Variants in STIM1 observed in about 807,000 individuals in gnomAD.
The protein encoded by STIM1 is stromal interaction molecule 1.
Under a neutral mutation model 74.7 loss-of-function variants are expected in STIM1, and 25 were observed. That is an observed-to-expected ratio of 0.33 (90% CI 0.24 to 0.47). The LOEUF (loss-of-function observed/expected upper bound fraction) is 0.47. Ranked by LOEUF, STIM1 falls within the 20% of genes least tolerant of loss-of-function variation. STIM1 has a pLI of 1.00. For missense variants in STIM1, 728 were observed against 920.8 expected, an observed-to-expected ratio of 0.79 and a Z score of 2.71; for synonymous variants, 328 against 348.8, an observed-to-expected ratio of 0.94 and a Z score of 0.66.
intron 5 of STIM1, among the ~76,000 whole-genome samples, chr11:4,065,272 A>G (rs959459502): frequency 1.3e-5 from 2 of 152,080 alleles, no homozygotes; most frequent in African/African-American, 2.4e-5. Flanking sequence ...AAATAGGGGA[A>G]AGTCCCCAGT....
chr11:3,921,521 T>C (rs2092717645), intron 1 of STIM1, among the ~76,000 whole-genome samples: 1 of 152,214 alleles, frequency 6.6e-6, no homozygotes, highest in Non-Finnish European at 1.5e-5. Flanking sequence ...CAGACAGCAT[T>C]AGCACACTGG....
intron 2 of STIM1, chr11:3,974,200 GCTGTTGGGACTACTTAAGAGACTCTGT>G: frequency 2.0e-6 from 1 of 512,258 alleles, no homozygotes; most frequent in South Asian, 2.8e-5. Flanking sequence ...AACTTCTACA[GCTGTTGGGACTACTTAAGAGACTCTGT>G]CTTAGACATG....
chr11:3,981,955 G>A (rs1219753669), intron 2 of STIM1, among the ~76,000 whole-genome samples: 1 of 152,102 alleles, frequency 6.6e-6, no homozygotes, highest in African/African-American at 2.4e-5. Context: ...CCAATTATTA[G>A]TTGTTTGACT....
intron 1 of STIM1, among the ~76,000 whole-genome samples, chr11:3,867,769 G>T (rs1013617362): frequency 1.3e-5 from 2 of 152,178 alleles, no homozygotes; most frequent in Admixed American, 6.5e-5. Context: ...CCCTTTCCTC[G>T]GTTGGCCATA....
At chr11:3,861,467 T>G (rs1006045111) in intron 1 of STIM1, among the ~76,000 whole-genome samples, 1 of 152,084 alleles carries the variant, frequency 6.6e-6, no homozygotes, top group Non-Finnish European at 1.5e-5. Flanking sequence ...ATCTCCTGAC[T>G]TCGTGATCTG....
chr11:3,940,152 A>G (rs1045335564), intron 1 of STIM1, among the ~76,000 whole-genome samples: 3 of 152,210 alleles, frequency 2.0e-5, no homozygotes, highest in East Asian at 3.8e-4. Flanking sequence ...AGCTTTACCC[A>G]GAACACAACA....
At chr11:3,889,708 G>T (rs1218310206) in intron 1 of STIM1, among the ~76,000 whole-genome samples, 9 of 151,980 alleles carry the variant, frequency 5.9e-5, no homozygotes, top group Non-Finnish European at 2.9e-5. Flanking sequence ...TTTTTTGAGG[G>T]TCTGGCCTCT....
chr11:3,975,443 C>T (rs2093437859), intron 2 of STIM1, among the ~76,000 whole-genome samples: 1 of 152,090 alleles, frequency 6.6e-6, no homozygotes, highest in Admixed American at 6.6e-5. Flanking sequence ...ATGGCAAAAC[C>T]CTCTCTGTAC....
chr11:4,084,601 T>C (rs994344282), intron 10 of STIM1, 72 bp from the exon 11 acceptor site: 16 of 1,212,074 alleles, frequency 1.3e-5, no homozygotes, highest in African/African-American at 1.6e-5. Flanking sequence ...CTTCCTTTAT[T>C]ACATTGATGG....
At chr11:4,011,075 T>C (rs372493576) in intron 2 of STIM1, among the ~76,000 whole-genome samples, 3 of 152,148 alleles carry the variant, frequency 2.0e-5, no homozygotes, top group East Asian at 3.8e-4. Context: ...TGCATAGTAG[T>C]CCATGGTGTA....
Position 3,934,498 on chromosome 11 carries a change from G to T in STIM1, c.140-33054G>T, listed in dbSNP as rs2092909813. Reference sequence around the variant, plus strand: ...CCTTTTATATAGTCTTATTCACTTAGCTGTCTGCTTCACTCTCCACATCTT... The same window carrying T: ...CCTTTTATATAGTCTTATTCACTTATCTGTCTGCTTCACTCTCCACATCTT... On this transcript the variant is annotated intron_variant, in intron 1 of 12. Transcript: ENST00000526596. Among the ~76,000 whole-genome samples, 3 of 152,144 alleles carry T rather than the reference G, an allele frequency of 2.0e-5. No homozygotes were observed. The South Asian group carries it at 6.2e-4, about 32-fold the overall frequency.
intron 2 of STIM1, among the ~76,000 whole-genome samples, chr11:4,021,434 A>G (rs770745077): frequency 6.6e-6 from 1 of 152,136 alleles, no homozygotes; most frequent in Non-Finnish European, 1.5e-5. Flanking sequence ...CCCCCAGTAC[A>G]GTTTATTGAA....
At chr11:4,013,641 CTCT>C (rs1345790468) in intron 2 of STIM1, among the ~76,000 whole-genome samples, 1 of 141,490 alleles carries the variant, frequency 7.1e-6, no homozygotes, top group East Asian at 2.1e-4. Context: ...TGATTCTTCT[CTCT>C]TCTTTGTTGA....
intron 1 of STIM1, among the ~76,000 whole-genome samples, chr11:3,955,034 T>C (rs1365740684): frequency 6.6e-6 from 1 of 152,254 alleles, no homozygotes; most frequent in East Asian, 1.9e-4. Context: ...AATGGAATAC[T>C]ACTCAGCAGC....
intron 1 of STIM1, among the ~76,000 whole-genome samples, chr11:3,922,244 G>C (rs1276621709): frequency 5.9e-5 from 9 of 151,774 alleles, no homozygotes; most frequent in African/African-American, 9.7e-5. Context: ...TCACATTGTG[G>C]TTTAATTTGT....
chr11:3,999,336 C>T (rs1472933746), intron 2 of STIM1, among the ~76,000 whole-genome samples: 1 of 152,174 alleles, frequency 6.6e-6, no homozygotes, highest in Admixed American at 6.5e-5. Flanking sequence ...AGTCTCAAAA[C>T]CAACAAACAG....
Position 4,091,902 on chromosome 11 carries a change from G to A in STIM1, c.*104G>A. 1 of 1,492,960 alleles carries A rather than the reference G, an allele frequency of 6.7e-7. No homozygotes were observed. The highest frequency in any genetic ancestry group is 1.9e-5 in the Admixed American group (1 of 53,912). The allele number at this position is 1,492,960 out of a possible 1,614,324, so 92.5% of individuals were successfully genotyped here. On this transcript the variant is annotated 3_prime_UTR_variant, in exon 13 of 13. Coordinates refer to ENST00000526596, the MANE Select transcript of STIM1 (RefSeq NM_001382567.1). ...TAACTGGCCCCAAGAGTGGGGCATGGGAAGGGCTGGTCCAGGGGTCTGGGC... is the reference window on the plus strand; with the variant it reads ...TAACTGGCCCCAAGAGTGGGGCATGAGAAGGGCTGGTCCAGGGGTCTGGGC...
chr11:4,037,031 A>G (rs1198031517), intron 3 of STIM1, among the ~76,000 whole-genome samples: 1 of 151,322 alleles, frequency 6.6e-6, no homozygotes. Flanking sequence ...TACTTGTTCT[A>G]TCTTTTTCCT....
At chr11:3,986,921 A>G (rs534026872) in intron 2 of STIM1, among the ~76,000 whole-genome samples, 3 of 152,288 alleles carry the variant, frequency 2.0e-5, no homozygotes, top group African/African-American at 4.8e-5. Flanking sequence ...AGGCCTTCTC[A>G]GGTATAGATC....
Sources: allele counts gnomAD v4.1 joint callset (sites outside exome capture counted in the v4.1 genomes callset), GRCh38; gene constraint gnomAD v4.1.1; transcripts MANE v1.5; gene names NCBI Gene and HGNC (gene_info 2026-07-23, HGNC 2026-07-21).